Variants in TRPC7 observed in about 807,000 individuals in gnomAD.
The protein encoded by TRPC7 is transient receptor potential cation channel subfamily C member 7.
A neutral mutation model predicts 90.1 loss-of-function variants in TRPC7; 42 were observed. The observed-to-expected ratio is 0.47, with a 90% CI of 0.36 to 0.60. TRPC7 has a LOEUF of 0.60. Ranked by LOEUF, TRPC7 falls within the 20% of genes least tolerant of loss-of-function variation. TRPC7 has a pLI of 0.00. For synonymous variants in TRPC7, 451 were observed against 436.3 expected, an observed-to-expected ratio of 1.03 and a Z score of -0.42; for missense variants, 955 against 1,112.3, an observed-to-expected ratio of 0.86 and a Z score of 2.01.
At chr5:136,299,119 T>C (rs2133572) in intron 3 of TRPC7, among the ~76,000 whole-genome samples, 24,383 of 151,806 alleles carry the variant, frequency 0.16, 2,880 homozygotes, top group East Asian at 0.34. Context: ...CTCACCAACG[T>C]GGAGAAACCC....
At chr5:136,239,599 G>A (rs115410435) in intron 7 of TRPC7, among the ~76,000 whole-genome samples, 120 of 152,238 alleles carry the variant, frequency 7.9e-4, no homozygotes, top group African/African-American at 2.6e-3. Context: ...GTTTTATGAC[G>A]TATTTCAGCC....
intron 2 of TRPC7, among the ~76,000 whole-genome samples, chr5:136,324,532 C>G (rs994696156): frequency 1.3e-5 from 2 of 152,096 alleles, no homozygotes; most frequent in Non-Finnish European, 2.9e-5. Context: ...AATTTCTTTT[C>G]TTTCCTTTTG....
At chr5:136,231,301 A>C in intron 8 of TRPC7, 53 bp downstream of exon 8, 1 of 1,477,336 alleles carries the variant, frequency 6.8e-7, no homozygotes, top group Non-Finnish European at 9.2e-7. Context: ...TGCTGAAAAA[A>C]GCAATGTAAA....
At chr5:136,342,920 CTG>C (rs1304430336) in intron 2 of TRPC7, among the ~76,000 whole-genome samples, 1 of 151,976 alleles carries the variant, frequency 6.6e-6, no homozygotes, top group African/African-American at 2.4e-5. Context: ...AGATAGAACA[CTG>C]GAATGGAATA....
chr5:136,247,790 G>A lies in TRPC7; in HGVS notation c.1580-55C>T, dbSNP rs1485003985. On this transcript the variant is annotated intron_variant, in intron 6 of 11. Transcript: ENST00000513104. The surrounding 1 kb of genome is among the most constrained non-coding windows in gnomAD (Gnocchi z 4.2). ...AGGCCACAGGATCTATTCTAGAAGA[G>A]AAACCAGTTAGGCATCTTTAGAGGT... 1 of 1,561,236 alleles carries A rather than the reference G, an allele frequency of 6.4e-7. No homozygotes were observed. Among genetic ancestry groups the A allele is most frequent in the African/African-American group, 1.4e-5 (1 of 73,020 alleles).
At chr5:136,312,049 T>C (rs2149837552) in intron 3 of TRPC7, among the ~76,000 whole-genome samples, 1 of 152,300 alleles carries the variant, frequency 6.6e-6, no homozygotes, top group Middle Eastern at 3.4e-3. Flanking sequence ...GAGGCAAGGC[T>C]GAGTAATTTG....
At chr5:136,339,767 G>C (rs377018871) in intron 2 of TRPC7, among the ~76,000 whole-genome samples, 4 of 151,968 alleles carry the variant, frequency 2.6e-5, no homozygotes, top group African/African-American at 9.7e-5. Context: ...CTGAGTTCTT[G>C]GGAAGACAGA....
intron 2 of TRPC7, among the ~76,000 whole-genome samples, chr5:136,337,107 T>C (rs1046359471): frequency 2.0e-5 from 3 of 152,202 alleles, no homozygotes; most frequent in African/African-American, 7.2e-5. Flanking sequence ...GGCCATGTCC[T>C]GGGAAGAGTC....
intron 7 of TRPC7, among the ~76,000 whole-genome samples, chr5:136,242,879 T>C (rs1364878301): frequency 1.3e-5 from 2 of 152,332 alleles, no homozygotes; most frequent in East Asian, 3.9e-4. Flanking sequence ...ACCACTGCTC[T>C]GTTAAGGCTG....
intron 2 of TRPC7, among the ~76,000 whole-genome samples, chr5:136,327,233 CAAT>C (rs1759371209): frequency 6.6e-6 from 1 of 152,022 alleles, no homozygotes; most frequent in African/African-American, 2.4e-5. Context: ...CAGACTACAA[CAAT>C]GAGAGATAAT....
chr5:136,316,238 G>A (rs1206600370), intron 2 of TRPC7: 6 of 157,392 alleles, frequency 3.8e-5, no homozygotes, highest in Admixed American at 1.9e-4. Context: ...GAATAATAAG[G>A]ACATGAACTT....
chr5:136,301,729 A>G (rs1182751728), intron 3 of TRPC7, among the ~76,000 whole-genome samples: 2 of 152,142 alleles, frequency 1.3e-5, no homozygotes, highest in Non-Finnish European at 2.9e-5. Context: ...ACCACCCTTC[A>G]CTGACTCTCT....
intron 3 of TRPC7, among the ~76,000 whole-genome samples, chr5:136,295,351 A>G (rs1317756544): frequency 1.3e-5 from 2 of 152,198 alleles, no homozygotes; most frequent in Admixed American, 6.5e-5. Context: ...CTGGGGGAAA[A>G]TGTATAAGGG....
At chr5:136,244,273 C>T (rs1218446811) in intron 7 of TRPC7, among the ~76,000 whole-genome samples, 1 of 151,904 alleles carries the variant, frequency 6.6e-6, no homozygotes, top group Non-Finnish European at 1.5e-5. Flanking sequence ...CTTGGGGATC[C>T]TTCCACCTCA....
chr5:136,248,295 T>A (rs564738287), intron 6 of TRPC7, among the ~76,000 whole-genome samples: 1 of 152,246 alleles, frequency 6.6e-6, no homozygotes, highest in Non-Finnish European at 1.5e-5. Flanking sequence ...ACTAACCTTT[T>A]GAGCTTTATT....
intron 2 of TRPC7, chr5:136,316,021 T>A: frequency 2.0e-6 from 1 of 504,776 alleles, no homozygotes; most frequent in Non-Finnish European, 3.5e-6. Flanking sequence ...ATGGGCCACC[T>A]GCATCAGAGT....
intron 5 of TRPC7, among the ~76,000 whole-genome samples, chr5:136,256,254 A>G (rs1487220049): frequency 6.6e-6 from 1 of 151,964 alleles, no homozygotes; most frequent in East Asian, 1.9e-4. Flanking sequence ...CTGCTTTTCT[A>G]ACTCTGCCCA....
chr5:136,306,692 T>C (rs1189919559), intron 3 of TRPC7, among the ~76,000 whole-genome samples: 1 of 152,138 alleles, frequency 6.6e-6, no homozygotes, highest in Non-Finnish European at 1.5e-5. Context: ...CATTCCACCA[T>C]TGTGATTTGT....
Position 136,299,345 on chromosome 5 carries a change from G to A in TRPC7, c.963+16252C>T, listed in dbSNP as rs1322042205. On this transcript the variant is annotated intron_variant, in intron 3 of 11. Coordinates refer to ENST00000513104, the MANE Select transcript of TRPC7 (RefSeq NM_020389.3). Reference sequence around the variant, plus strand: ...TTCTCTGACTGGGGTGTGTGCGTGTGTGTGTGTGTGTGTGTGTGTGTGTGT... The same window carrying A: ...TTCTCTGACTGGGGTGTGTGCGTGTATGTGTGTGTGTGTGTGTGTGTGTGT... Among the ~76,000 whole-genome samples, 203 of 88,466 alleles carry A rather than the reference G, an allele frequency of 2.3e-3. 3 individuals are homozygous for A. Among genetic ancestry groups the A allele is most frequent in the African/African-American group, 0.013 (178 of 14,096 alleles). 58.0% of individuals were successfully genotyped at this position (88,466 alleles called of 152,430 possible).
Sources: gnomAD v4.1 joint callset for allele counts (sites outside exome capture counted in the v4.1 genomes callset) on GRCh38, gnomAD v4.1.1 for gene constraint, Gnocchi (gnomAD v3.1) non-coding constraint, MANE v1.5 for transcripts, NCBI Gene and HGNC (gene_info 2026-07-23, HGNC 2026-07-21) for gene names.